CLDN10: variants seen among roughly 807,000 people sequenced by gnomAD.
CLDN10 encodes claudin-10.
CLDN10 carries 15 observed loss-of-function variants against 22.9 expected under a neutral mutation model. The ratio of observed to expected loss-of-function variants is 0.65; its 90% confidence interval spans 0.44 to 1.01. CLDN10 has a LOEUF of 1.01. Among genes scored for constraint, CLDN10 ranks in the 50% least tolerant of loss-of-function variants. CLDN10 has a pLI of 0.00. For synonymous variants in CLDN10, 114 were observed against 111.4 expected (o/e 1.02, Z -0.15); for missense variants, 247 against 287.8 (o/e 0.86, Z 1.03).
intron 1 of CLDN10, among the ~76,000 whole-genome samples, chr13:95,500,101 T>TA (rs1459072965): frequency 2.0e-5 from 3 of 152,306 alleles, no homozygotes; most frequent in Non-Finnish European, 2.9e-5. Context: ...TGCAAATACT[T>TA]ACTGACTGCC....
intron 3 of CLDN10, among the ~76,000 whole-genome samples, chr13:95,568,971 T>C (rs1469740811): frequency 6.6e-6 from 1 of 152,156 alleles, no homozygotes; most frequent in Non-Finnish European, 1.5e-5. Context: ...ACCCTTTCTG[T>C]GCCCAGTGCC....
chr13:95,552,880 G>T lies in CLDN10; in HGVS notation c.127G>T (p.Ala43Ser), dbSNP rs747253181. ...CATCGACGGCACGGTCATCACAACC[G>T]CCACCTATTGGGCCAACCTGTGGAA... ...STIDGTVITT[A>S]TYWANLWKAC... Residue 43 changes from alanine to serine, a missense_variant, in exon 1 of 5, where the codon GCC becomes TCC. Transcript: ENST00000299339. 10 of 1,613,962 alleles carry T rather than the reference G, an allele frequency of 6.2e-6. No homozygotes were observed. The African/African-American group carries it at 8.0e-5, about 13-fold the overall frequency.
upstream of CLDN10, among the ~76,000 whole-genome samples, chr13:95,552,027 G>A (rs188462729): frequency 4.6e-5 from 7 of 152,354 alleles, no homozygotes; most frequent in Admixed American, 1.3e-4. Context: ...GCATTAGTAT[G>A]AGTACACCAG....
At chr13:95,535,446 A>T (rs2043390065) in intron 1 of CLDN10, among the ~76,000 whole-genome samples, 2 of 150,896 alleles carry the variant, frequency 1.3e-5, no homozygotes, top group African/African-American at 4.9e-5. Flanking sequence ...AGTGATGAGG[A>T]GTACAGAGGG....
intron 1 of CLDN10, among the ~76,000 whole-genome samples, chr13:95,477,679 CA>C (rs1403371866): frequency 2.0e-5 from 3 of 152,192 alleles, no homozygotes; most frequent in Admixed American, 6.5e-5. Flanking sequence ...GATGTCCTGC[CA>C]ACCCTACTGT....
At chr13:95,526,642 G>C (rs544921141) in intron 1 of CLDN10, among the ~76,000 whole-genome samples, 282 of 152,166 alleles carry the variant, frequency 1.9e-3, no homozygotes, top group Non-Finnish European at 3.3e-3. Context: ...ACAAAAATTA[G>C]ACAGGCATGA....
chr13:95,526,267 G>A (rs1246577894), intron 1 of CLDN10, among the ~76,000 whole-genome samples: 17 of 151,912 alleles, frequency 1.1e-4, no homozygotes, highest in Non-Finnish European at 2.5e-4. Context: ...GTTGTTACAA[G>A]TTACTTTGTT....
chr13:95,511,788 T>TTTG lies in CLDN10; in HGVS notation c.215-48344_215-48343insTTG, dbSNP rs2043102423. ...TCTCCTTTTTTTTTTTTTTTTTTTT[T>TTTG]GGTTTTTGTTTGTTTGTGTTCTGTT... On this transcript the variant is annotated intron_variant, in intron 1 of 4. Transcript: ENST00000376873. 6.7e-5 allele frequency among the ~76,000 whole-genome samples: 2 copies of TTTG among 29,900 alleles called. 1 individual carries two copies. The highest frequency in any genetic ancestry group is 1.8e-4 in the Non-Finnish European group (2 of 11,350). The allele number at this position is 29,900 out of a possible 152,430, so 19.6% of individuals were successfully genotyped here. A position where few individuals can be genotyped will look rare whatever the true frequency, so the allele number is the denominator to read the frequency against.
chr13:95,477,806 A>G (rs1362743659), intron 1 of CLDN10, among the ~76,000 whole-genome samples: 1 of 152,170 alleles, frequency 6.6e-6, no homozygotes, highest in Non-Finnish European at 1.5e-5. Context: ...ATGTATCTTA[A>G]GCCATGATAA....
At chr13:95,561,855 T>A (rs1051149141) in intron 3 of CLDN10, among the ~76,000 whole-genome samples, 7 of 151,644 alleles carry the variant, frequency 4.6e-5, no homozygotes, top group African/African-American at 1.7e-4. Flanking sequence ...AGCCTTGCGC[T>A]TCTGCACTCA....
At chr13:95,537,581 T>C (rs774968461) in intron 1 of CLDN10, among the ~76,000 whole-genome samples, 4 of 152,236 alleles carry the variant, frequency 2.6e-5, no homozygotes, top group Non-Finnish European at 5.9e-5. Flanking sequence ...GGTAGTAATA[T>C]ACCACAAGTT....
At chr13:95,501,999 C>T (rs2042990753) in intron 1 of CLDN10, among the ~76,000 whole-genome samples, 1 of 152,182 alleles carries the variant, frequency 6.6e-6, no homozygotes, top group Non-Finnish European at 1.5e-5. Context: ...CTTAACTTAT[C>T]AGGGTCTACT....
At position 95,558,519 on chromosome 13, in the gene CLDN10, TG is replaced by T. The variant is rs566499064; in HGVS notation, c.221-1612del. Among the ~76,000 whole-genome samples, 34 of 152,250 alleles carry T rather than the reference TG, an allele frequency of 2.2e-4. 1 individual carries two copies. Among genetic ancestry groups the T allele is most frequent in the Non-Finnish European group, 4.1e-4 (28 of 68,046 alleles). On this transcript the variant is annotated intron_variant, in intron 1 of 4. Coordinates refer to ENST00000299339, the MANE Select transcript of CLDN10 (RefSeq NM_006984.5). ...ATGGAAGGTCACTGTCCTTGCAGTC[TG>T]CATTTGTGGGAGTCTAAAGTGTTTA...
At chr13:95,531,679 A>T (rs999282290) in intron 1 of CLDN10, among the ~76,000 whole-genome samples, 1 of 148,832 alleles carries the variant, frequency 6.7e-6, no homozygotes, top group East Asian at 2.0e-4. Context: ...ACAGGCGCCC[A>T]CCACCACGCC....
At chr13:95,468,650 CCA>C (rs1309851508) in intron 1 of CLDN10, among the ~76,000 whole-genome samples, 6 of 152,162 alleles carry the variant, frequency 3.9e-5, no homozygotes, top group Admixed American at 2.0e-4. Context: ...CATTTGAACC[CCA>C]GAGGTGGAGG....
chr13:95,535,223 G>A (rs975548358), intron 1 of CLDN10, among the ~76,000 whole-genome samples: 4 of 152,074 alleles, frequency 2.6e-5, no homozygotes, highest in African/African-American at 9.7e-5. Flanking sequence ...TGAGGAGCCC[G>A]TGAAGGGTTT....
chr13:95,495,743 C>CA (rs71722865), intron 1 of CLDN10, among the ~76,000 whole-genome samples: 11,775 of 85,560 alleles, frequency 0.14, 817 homozygotes, highest in East Asian at 0.27. Context: ...GACTCCACCT[C>CA]AAAAAAAAAA....
intron 1 of CLDN10, among the ~76,000 whole-genome samples, chr13:95,504,219 G>A (rs2043014321): frequency 6.6e-6 from 1 of 152,132 alleles, no homozygotes; most frequent in Non-Finnish European, 1.5e-5. Flanking sequence ...AGTTACAGAA[G>A]ACTATATATG....
chr13:95,435,886 G>T (rs2042264597), intron 1 of CLDN10, among the ~76,000 whole-genome samples: 1 of 151,328 alleles, frequency 6.6e-6, no homozygotes, highest in Non-Finnish European at 1.5e-5. Context: ...GATCTCCTGA[G>T]CTCAAGAGAG....
Sources: allele counts gnomAD v4.1 joint callset (sites outside exome capture counted in the v4.1 genomes callset), GRCh38; gene constraint gnomAD v4.1.1; transcripts MANE v1.5; gene names NCBI Gene and HGNC (gene_info 2026-07-23, HGNC 2026-07-21).